The following CNOT10 variants were observed in gnomAD, a reference collection of about 807,000 sequenced individuals.
The protein encoded by CNOT10 is CCR4-NOT transcription complex, subunit 10.
A neutral mutation model predicts 94.6 loss-of-function variants in CNOT10; 30 were observed. The observed-to-expected ratio is 0.32, with a 90% CI of 0.24 to 0.43. CNOT10 has a LOEUF of 0.43. Among genes scored for constraint, CNOT10 ranks in the 20% least tolerant of loss-of-function variants. CNOT10 has a pLI of 1.00. For synonymous variants in CNOT10, 289 were observed against 301.6 expected, an observed-to-expected ratio of 0.96 and a Z score of 0.43; for missense variants, 759 against 877.2, an observed-to-expected ratio of 0.87 and a Z score of 1.70.
intron 1 of CNOT10, among the ~76,000 whole-genome samples, chr3:32,699,554 G>A (rs1697235772): frequency 6.6e-6 from 1 of 152,166 alleles, no homozygotes; most frequent in South Asian, 2.1e-4. Flanking sequence ...ACTGTGGCAG[G>A]GTTCTTGAAG....
intron 13 of CNOT10, among the ~76,000 whole-genome samples, chr3:32,738,951 G>C (rs75959211): frequency 0.062 from 9,078 of 147,382 alleles, 320 homozygotes; most frequent in Middle Eastern, 0.095. Flanking sequence ...CTGTCCCAGG[G>C]TGGAGTGCAG....
intron 1 of CNOT10, among the ~76,000 whole-genome samples, chr3:32,690,134 A>G (rs1575196390): frequency 6.6e-6 from 1 of 152,258 alleles, no homozygotes; most frequent in East Asian, 1.9e-4. Flanking sequence ...TAAGGGCATG[A>G]TGGTGTGATC....
intron 1 of CNOT10, among the ~76,000 whole-genome samples, chr3:32,700,471 C>T (rs1454033077): frequency 6.6e-6 from 1 of 152,168 alleles, no homozygotes; most frequent in Non-Finnish European, 1.5e-5. Flanking sequence ...ATTGTCTGTA[C>T]GTCACTGTGC....
intron 5 of CNOT10, chr3:32,715,934 T>G (rs1698098594): frequency 9.2e-6 from 2 of 216,942 alleles, no homozygotes; most frequent in Non-Finnish European, 1.8e-5. Context: ...GCTTCCTGAG[T>G]AGCTGGGACT....
chr3:32,743,261 A>G (rs938502758), intron 13 of CNOT10, among the ~76,000 whole-genome samples: 1 of 152,180 alleles, frequency 6.6e-6, no homozygotes, highest in South Asian at 2.1e-4. Context: ...TGCTGGCATT[A>G]CAGGCATGAG....
At chr3:32,702,991 A>G (rs1697431370) in intron 1 of CNOT10, among the ~76,000 whole-genome samples, 1 of 150,284 alleles carries the variant, frequency 6.7e-6, no homozygotes, top group African/African-American at 2.5e-5. Context: ...GGCTCACTGC[A>G]AGCTCCACCT....
intron 13 of CNOT10, among the ~76,000 whole-genome samples, chr3:32,750,601 G>A (rs1324477741): frequency 1.3e-5 from 2 of 151,314 alleles, no homozygotes; most frequent in Non-Finnish European, 3.0e-5. Context: ...TGCCCAGGCT[G>A]GAGTGCACTG....
intron 13 of CNOT10, among the ~76,000 whole-genome samples, chr3:32,743,907 A>G (rs932677051): frequency 3.3e-5 from 5 of 152,168 alleles, no homozygotes; most frequent in East Asian, 3.8e-4. Flanking sequence ...GAATGCCGTC[A>G]TCATAAAGTG....
At chr3:32,767,563 C>T (rs1167841684) in intron 17 of CNOT10, among the ~76,000 whole-genome samples, 2 of 149,214 alleles carry the variant, frequency 1.3e-5, no homozygotes, top group African/African-American at 4.9e-5. Context: ...ACATAGGTTC[C>T]TGCTTATGTG....
chr3:32,721,086 G>T (rs548656696), intron 8 of CNOT10, among the ~76,000 whole-genome samples: 59 of 104,096 alleles, frequency 5.7e-4, no homozygotes, highest in Non-Finnish European at 8.9e-4. Flanking sequence ...TTTTGACAGA[G>T]TCTTGCTCTG....
chr3:32,716,907 C>T (rs947747637), intron 6 of CNOT10, among the ~76,000 whole-genome samples: 5 of 152,126 alleles, frequency 3.3e-5, no homozygotes, highest in Admixed American at 2.6e-4. Context: ...GCCTCGGCCT[C>T]CAAAGTACTG....
intron 13 of CNOT10, among the ~76,000 whole-genome samples, chr3:32,738,459 A>G (rs180741602): frequency 1.3e-5 from 2 of 150,246 alleles, no homozygotes; most frequent in South Asian, 2.1e-4. Context: ...TTCAGATTTT[A>G]TATTTCTTTT....
At chr3:32,747,745 G>C (rs7613656) in intron 13 of CNOT10, among the ~76,000 whole-genome samples, 9,312 of 151,896 alleles carry the variant, frequency 0.061, 332 homozygotes, top group African/African-American at 0.09. Context: ...GTCAAGAGAT[G>C]GAGACCATCC....
intron 13 of CNOT10, among the ~76,000 whole-genome samples, chr3:32,738,691 T>C (rs1699307060): frequency 6.6e-6 from 1 of 152,036 alleles, no homozygotes; most frequent in African/African-American, 2.4e-5. Context: ...CTCGATCTCC[T>C]GACGTCGTGA....
chr3:32,753,545 A>G (rs1700057566), intron 13 of CNOT10: 2 of 1,584,360 alleles, frequency 1.3e-6, no homozygotes, highest in African/African-American at 1.3e-5. Context: ...ATTAAACTGA[A>G]AAAGCCAGAG....
chr3:32,720,905 TC>T (rs1698360365), intron 8 of CNOT10, among the ~76,000 whole-genome samples: 1 of 129,580 alleles, frequency 7.7e-6, no homozygotes, highest in East Asian at 2.5e-4. Context: ...CTTCCTTCCT[TC>T]CTTCCTTCCT....
chr3:32,740,271 C>A (rs1052254343), intron 13 of CNOT10, among the ~76,000 whole-genome samples: 4 of 148,164 alleles, frequency 2.7e-5, no homozygotes, highest in African/African-American at 9.9e-5. Flanking sequence ...CTAGCCTGAC[C>A]AATATGGTGA....
At chr3:32,717,001 A>G (rs1028750414) in intron 6 of CNOT10, among the ~76,000 whole-genome samples, 153 bp from the exon 7 acceptor site, 9 of 152,254 alleles carry the variant, frequency 5.9e-5, no homozygotes, top group African/African-American at 1.9e-4. Flanking sequence ...CGAAGAGTAC[A>G]GTGAAAATAG....
intron 17 of CNOT10, 134 bp from the exon 18 acceptor site, chr3:32,769,750 GAAC>G (rs1700813775): frequency 3.0e-6 from 2 of 674,638 alleles, no homozygotes; most frequent in Admixed American, 2.2e-5. Context: ...CATCAGAGCA[GAAC>G]AACAGGTAGT....
Sources: allele counts gnomAD v4.1 joint callset (sites outside exome capture counted in the v4.1 genomes callset), GRCh38; gene constraint gnomAD v4.1.1; transcripts MANE v1.5; gene names NCBI Gene and HGNC (gene_info 2026-07-23, HGNC 2026-07-21).